ADCY8: variants seen among roughly 807,000 people sequenced by gnomAD.
ADCY8 encodes adenylate cyclase 8, also known as adenylate cyclase type 8.
Under a neutral mutation model 119.7 loss-of-function variants are expected in ADCY8, and 51 were observed. That is an observed-to-expected ratio of 0.43 (90% CI 0.34 to 0.54). ADCY8 has a LOEUF of 0.54. Ranked by LOEUF, ADCY8 falls within the 20% of genes least tolerant of loss-of-function variation. The pLI is 0.03. For synonymous variants in ADCY8, 665 were observed against 651.0 expected (o/e 1.02, Z -0.33); for missense variants, 1,383 against 1,598.8 (o/e 0.87, Z 2.30).
chr8:130,821,315 A>G, intron 13 of ADCY8, 27 bp downstream of exon 13: 2 of 1,595,524 alleles, frequency 1.3e-6, no homozygotes, highest in Non-Finnish European at 1.7e-6. Context: ...CAGGTAACAG[A>G]GCAGTCAGAG....
intron 1 of ADCY8, among the ~76,000 whole-genome samples, chr8:131,027,141 G>T (rs1309457328): frequency 6.6e-6 from 1 of 152,130 alleles, no homozygotes; most frequent in African/African-American, 2.4e-5. Flanking sequence ...GTCAAATTCT[G>T]CTTATCTCTC....
chr8:130,960,059 T>C (rs531632118), intron 2 of ADCY8, among the ~76,000 whole-genome samples: 257 of 152,268 alleles, frequency 1.7e-3, no homozygotes, highest in African/African-American at 5.7e-3. Flanking sequence ...AGGAATTAAA[T>C]GGTTAATGTA....
intron 7 of ADCY8, 113 bp downstream of exon 7, chr8:130,903,659 G>T: frequency 8.5e-7 from 1 of 1,180,710 alleles, no homozygotes; most frequent in Non-Finnish European, 1.2e-6. Flanking sequence ...TGCAATTATG[G>T]TGTTCATTGG....
chr8:130,841,428 C>A (rs1428129950), intron 11 of ADCY8, among the ~76,000 whole-genome samples: 2 of 152,158 alleles, frequency 1.3e-5, no homozygotes, highest in African/African-American at 4.8e-5. Flanking sequence ...CATGATATGA[C>A]AAGGTGTTAA....
At position 130,918,295 on chromosome 8, in the gene ADCY8, C is replaced by T. The variant is rs10098085; in HGVS notation, c.1482-8429G>A. Among the ~76,000 whole-genome samples the T allele has an allele frequency of 2.1e-3, 318 of 152,290 alleles. 1 individual carries two copies. Among genetic ancestry groups the T allele is most frequent in the South Asian group, 3.5e-3 (17 of 4,820 alleles). On this transcript the variant is annotated intron_variant, in intron 5 of 17. Coordinates refer to ENST00000286355, the MANE Select transcript of ADCY8 (RefSeq NM_001115.3). ...TGGCTTGCAGATGGCTGCCTTCCTA[C>T]TGTGCCCCTACAAGGTGGAGAGAGA...
At chr8:131,003,717 C>T (rs1823026719) in intron 1 of ADCY8, among the ~76,000 whole-genome samples, 1 of 152,182 alleles carries the variant, frequency 6.6e-6, no homozygotes, top group South Asian at 2.1e-4. Flanking sequence ...GGGTGATTGA[C>T]TGTCTTGGTT....
intron 1 of ADCY8, among the ~76,000 whole-genome samples, chr8:131,006,851 T>A (rs959203): frequency 0.045 from 6,777 of 152,284 alleles, 538 homozygotes; most frequent in African/African-American, 0.15. Context: ...CAAGGCCAGA[T>A]GACAACGTTT....
At chr8:130,968,066 G>A (rs773198669) in intron 2 of ADCY8, among the ~76,000 whole-genome samples, 17 of 152,216 alleles carry the variant, frequency 1.1e-4, no homozygotes, top group African/African-American at 2.2e-4. Context: ...GCATGGGCAG[G>A]TGGGGGAGAG....
Position 130,814,241 on chromosome 8 carries a change from G to A in ADCY8, c.2755-14C>T, listed in dbSNP as rs1816267040. 2 of 1,613,272 alleles carry A rather than the reference G, an allele frequency of 1.2e-6. No homozygotes were observed. Among genetic ancestry groups the A allele is most frequent in the Non-Finnish European group, 1.7e-6 (2 of 1,179,794 alleles). Reference sequence around the variant, plus strand: ...TGTGTACTCCAGCTGCAGTACATGTGAGAGAAAGAGGAGAATGAGGTAAAC... The same window carrying A: ...TGTGTACTCCAGCTGCAGTACATGTAAGAGAAAGAGGAGAATGAGGTAAAC... On this transcript the variant is annotated splice_polypyrimidine_tract_variant and intron_variant, in intron 13 of 17. Transcript: ENST00000286355.
intron 8 of ADCY8, among the ~76,000 whole-genome samples, chr8:130,882,693 A>G (rs938746384): frequency 1.3e-5 from 2 of 152,146 alleles, no homozygotes; most frequent in Non-Finnish European, 2.9e-5. Context: ...AATAACATCT[A>G]CTTTTTATTA....
chr8:130,835,418 C>T (rs1816955563), intron 12 of ADCY8, among the ~76,000 whole-genome samples: 1 of 152,180 alleles, frequency 6.6e-6, no homozygotes, highest in Admixed American at 6.5e-5. Flanking sequence ...TTTTCCAAGG[C>T]ACCAGCTGAA....
intron 13 of ADCY8, among the ~76,000 whole-genome samples, chr8:130,817,768 G>C (rs1816391396): frequency 6.6e-6 from 1 of 152,066 alleles, no homozygotes; most frequent in Non-Finnish European, 1.5e-5. Flanking sequence ...AAACTTATAG[G>C]GAAAAAATTC....
intron 2 of ADCY8, among the ~76,000 whole-genome samples, chr8:130,987,696 A>G (rs760470223): frequency 1.3e-5 from 2 of 152,162 alleles, no homozygotes; most frequent in Non-Finnish European, 2.9e-5. Context: ...AATTTTTAAC[A>G]ATTATGGCAT....
chr8:130,992,382 C>CATATAT (rs1161136558), intron 1 of ADCY8, among the ~76,000 whole-genome samples: 1,051 of 77,300 alleles, frequency 0.014, 119 homozygotes, highest in African/African-American at 0.026. Context: ...CTGTATCTGG[C>CATATAT]ATATATATAT....
At chr8:130,997,627 C>A (rs1306649411) in intron 1 of ADCY8, among the ~76,000 whole-genome samples, 3 of 152,100 alleles carry the variant, frequency 2.0e-5, no homozygotes, top group Non-Finnish European at 4.4e-5. Context: ...AGTAACTGAC[C>A]TCACAAATAA....
intron 15 of ADCY8, among the ~76,000 whole-genome samples, chr8:130,788,455 G>A (rs1019187904): frequency 6.6e-6 from 1 of 152,180 alleles, no homozygotes; most frequent in Non-Finnish European, 1.5e-5. Flanking sequence ...CATAGAAGTA[G>A]AGAGTCAATG....
intron 8 of ADCY8, among the ~76,000 whole-genome samples, chr8:130,874,655 T>C (rs905706867): frequency 6.6e-6 from 1 of 152,196 alleles, no homozygotes; most frequent in African/African-American, 2.4e-5. Context: ...GGAGGACACC[T>C]GCCCAGGGGT....
At chr8:130,860,972 T>C (rs990671204) in intron 9 of ADCY8, among the ~76,000 whole-genome samples, 47 of 152,214 alleles carry the variant, frequency 3.1e-4, no homozygotes, top group Non-Finnish European at 2.9e-5. Flanking sequence ...AGAATATCCT[T>C]TCTCCATGGA....
At chr8:130,936,108 T>G (rs1291920625) in intron 5 of ADCY8, among the ~76,000 whole-genome samples, 1 of 147,190 alleles carries the variant, frequency 6.8e-6, no homozygotes, top group Non-Finnish European at 1.5e-5. Context: ...TGTGTGTGTG[T>G]GTATTTCTGC....
Sources: allele counts gnomAD v4.1 joint callset (sites outside exome capture counted in the v4.1 genomes callset), GRCh38; gene constraint gnomAD v4.1.1; transcripts MANE v1.5; gene names NCBI Gene and HGNC (gene_info 2026-07-23, HGNC 2026-07-21).